Variants in OR3A2 observed in about 807,000 individuals in gnomAD.
OR3A2 encodes olfactory receptor 3A2.
For synonymous variants in OR3A2, 126 were observed against 159.3 expected (o/e 0.79, Z 1.57); for missense variants, 318 against 392.8 (o/e 0.81, Z 1.61).
chr17:3,282,613 G>T (rs1201014144), intron 1 of OR3A2, among the ~76,000 whole-genome samples: 1 of 152,162 alleles, frequency 6.6e-6, no homozygotes, highest in Non-Finnish European at 1.5e-5. Flanking sequence ...ATGTGGATGC[G>T]GTGATCTCCA....
chr17:3,317,533 G>A (rs1368378676), intron 3 of OR3A2, among the ~76,000 whole-genome samples: 1 of 152,108 alleles, frequency 6.6e-6, no homozygotes, highest in Non-Finnish European at 1.5e-5. Context: ...TTGGGAGGCC[G>A]GGGCTCTGGG....
intron 2 of OR3A2, among the ~76,000 whole-genome samples, chr17:3,380,286 C>T (rs117760998): frequency 1.6e-4 from 24 of 152,310 alleles, no homozygotes; most frequent in East Asian, 1.5e-3. Flanking sequence ...TACACGAGAA[C>T]GACCTGCCAA....
chr17:3,371,649 A>C (rs1384855841), intron 2 of OR3A2, among the ~76,000 whole-genome samples: 1 of 119,906 alleles, frequency 8.3e-6, no homozygotes, highest in African/African-American at 3.2e-5. Context: ...GAGGCCGGGC[A>C]GAGGCGCCCC....
intron 2 of OR3A2, among the ~76,000 whole-genome samples, chr17:3,340,161 CTTCTT>C (rs1418751259): frequency 1.3e-5 from 2 of 150,912 alleles, no homozygotes; most frequent in Non-Finnish European, 3.0e-5. Flanking sequence ...ATTCTTCTCT[CTTCTT>C]ATTAGTCTTG....
At position 3,315,573 on chromosome 17, in the gene OR3A2, A is replaced by G. The variant is rs145339463; in HGVS notation, c.-85+20460T>C. Among the ~76,000 whole-genome samples the G allele has an allele frequency of 4.1e-3, 624 of 152,140 alleles. 6 individuals carry two copies. The highest frequency in any genetic ancestry group is 6.9e-3 in the Non-Finnish European group (472 of 67,990). The stretch of plus-strand genomic sequence containing the variant: ...TTGTTGATTTGTTGAAGTTCCCTAT[A>G]GGTTCTGGATATTAGGCCTTTGTCA... On this transcript the variant is annotated intron_variant, in intron 3 of 4. Transcript: ENST00000573491.
intron 3 of OR3A2, among the ~76,000 whole-genome samples, chr17:3,318,142 G>C (rs1034404770): frequency 9.2e-5 from 14 of 152,148 alleles, no homozygotes; most frequent in African/African-American, 3.4e-4. Flanking sequence ...GGAGTTAAGT[G>C]CTTACAAGTT....
At chr17:3,357,406 A>C (rs961372514) in intron 2 of OR3A2, among the ~76,000 whole-genome samples, 1 of 151,720 alleles carries the variant, frequency 6.6e-6, no homozygotes, top group Non-Finnish European at 1.5e-5. Flanking sequence ...TGAAAATAAA[A>C]AGCCAGATGA....
chr17:3,363,071 G>A (rs2049531951), intron 2 of OR3A2, among the ~76,000 whole-genome samples: 1 of 151,700 alleles, frequency 6.6e-6, no homozygotes, highest in Non-Finnish European at 1.5e-5. Context: ...TGTGATAGGA[G>A]AGGCTGTGAA....
chr17:3,381,602 A>G (rs536755452), intron 2 of OR3A2, among the ~76,000 whole-genome samples: 2 of 152,318 alleles, frequency 1.3e-5, no homozygotes, highest in East Asian at 3.9e-4. Context: ...TACTATTTGC[A>G]AAGTGTTTAT....
chr17:3,374,492 TTCTTTG>T lies in OR3A2; in HGVS notation c.-179+9306_-179+9311del, dbSNP rs543603099. On this transcript the variant is annotated intron_variant, in intron 2 of 4. Coordinates refer to the OR3A2 transcript ENST00000573491. ...AATTTATTGGAGGCTTTATTCATTTTTCTTTGTCTTTGTCAGATTGTGTTAATTTGA... is the reference window on the plus strand; with the variant it reads ...AATTTATTGGAGGCTTTATTCATTTTTCTTTGTCAGATTGTGTTAATTTGA... Among the ~76,000 whole-genome samples the T allele has an allele frequency of 1.3e-3, 201 of 152,336 alleles. 1 individual carries two copies. The highest frequency in any genetic ancestry group is 2.1e-3 in the Admixed American group (32 of 15,304).
intron 3 of OR3A2, among the ~76,000 whole-genome samples, chr17:3,335,496 G>T (rs7215878): frequency 6.6e-6 from 1 of 151,874 alleles, no homozygotes; most frequent in Non-Finnish European, 1.5e-5. Context: ...CTGATTTGTG[G>T]TATTTAATTT....
At chr17:3,367,641 C>A (rs372232073) in intron 2 of OR3A2, among the ~76,000 whole-genome samples, 1 of 133,518 alleles carries the variant, frequency 7.5e-6, no homozygotes, top group Non-Finnish European at 1.6e-5. Context: ...CTTTATCCAC[C>A]TGTTGGTTGA....
At chr17:3,362,869 A>T (rs2049529989) in intron 2 of OR3A2, among the ~76,000 whole-genome samples, 1 of 151,712 alleles carries the variant, frequency 6.6e-6, no homozygotes, top group Non-Finnish European at 1.5e-5. Context: ...CAGGCCCAAC[A>T]CTATGGAGAA....
At chr17:3,381,100 GTGTT>G (rs925636327) in intron 2 of OR3A2, among the ~76,000 whole-genome samples, 4 of 152,056 alleles carry the variant, frequency 2.6e-5, no homozygotes, top group African/African-American at 7.2e-5. Flanking sequence ...AAGGGACTGA[GTGTT>G]TGTATGTGCC....
chr17:3,369,070 T>G (rs926872114), intron 2 of OR3A2, among the ~76,000 whole-genome samples: 1 of 152,216 alleles, frequency 6.6e-6, no homozygotes, highest in Non-Finnish European at 1.5e-5. Flanking sequence ...TGCTACTGAT[T>G]TGTGGACGTT....
intron 2 of OR3A2, among the ~76,000 whole-genome samples, chr17:3,382,122 G>A (rs368047407): frequency 3.9e-5 from 6 of 152,242 alleles, no homozygotes; most frequent in African/African-American, 1.4e-4. Flanking sequence ...ACTGGGATAG[G>A]GTAGGAAGAG....
intron 2 of OR3A2, among the ~76,000 whole-genome samples, chr17:3,359,280 T>A (rs2049489474): frequency 6.6e-6 from 1 of 151,758 alleles, no homozygotes; most frequent in African/African-American, 2.4e-5. Context: ...ACCTTCAAGG[T>A]CAGTATTGAT....
intron 2 of OR3A2, among the ~76,000 whole-genome samples, chr17:3,356,582 T>A (rs1277430820): frequency 6.6e-6 from 1 of 151,284 alleles, no homozygotes; most frequent in Non-Finnish European, 1.5e-5. Flanking sequence ...AACAGACCAA[T>A]AATAATAATG....
chr17:3,282,597 G>T (rs1249069452), intron 1 of OR3A2, among the ~76,000 whole-genome samples: 4 of 152,214 alleles, frequency 2.6e-5, no homozygotes, highest in Non-Finnish European at 5.9e-5. Context: ...TGCCACATGG[G>T]TGAGAATGTG....
Sources: gnomAD v4.1 joint callset for allele counts (sites outside exome capture counted in the v4.1 genomes callset) on GRCh38, gnomAD v4.1.1 for gene constraint, MANE v1.5 for transcripts, NCBI Gene and HGNC (gene_info 2026-07-23, HGNC 2026-07-21) for gene names.